Variants in ZC3H12B observed in about 807,000 individuals in gnomAD.
ZC3H12B encodes the protein zinc finger CCCH-type containing 12B.
Under a neutral mutation model 43.9 loss-of-function variants are expected in ZC3H12B, and 7 were observed. That is an observed-to-expected ratio of 0.16 (90% CI 0.09 to 0.30). ZC3H12B has a LOEUF of 0.30. Among genes scored for constraint, ZC3H12B ranks in the 10% least tolerant of loss-of-function variants. The pLI is 1.00. For synonymous variants in ZC3H12B, 222 were observed against 241.7 expected (o/e 0.92, Z 0.76); for missense variants, 475 against 670.2 (o/e 0.71, Z 3.22).
At chrX:65,312,530 G>A in the ZC3H12B span, among the ~76,000 whole-genome samples, 4 of 111,323 alleles carry the variant, frequency 3.6e-5, no homozygotes, top group Non-Finnish European at 5.7e-5. Context: ...AAAAAAAATG[G>A]GCCCCTCTTG....
the ZC3H12B span, chrX:65,357,148 G>C: frequency 2.1e-6 from 1 of 468,996 alleles, no homozygotes; most frequent in East Asian, 4.1e-5. Context: ...GCTCTGTCCT[G>C]AGGAGGCCAT....
At chrX:65,347,959 C>T in the ZC3H12B span, among the ~76,000 whole-genome samples, 13 of 111,600 alleles carry the variant, frequency 1.2e-4, no homozygotes, top group African/African-American at 4.2e-4. Flanking sequence ...AAGCTGGAAA[C>T]CAACATTCTC....
chrX:65,217,812 G>A, the ZC3H12B span, among the ~76,000 whole-genome samples: 1 of 111,548 alleles, frequency 9.0e-6, no homozygotes, highest in Non-Finnish European at 1.9e-5. Context: ...TCTAGAAAAA[G>A]CCCAAATGGG....
At chrX:65,397,752 T>C (rs187167043) in intron 2 of ZC3H12B, among the ~76,000 whole-genome samples, 91 of 112,076 alleles carry the variant, frequency 8.1e-4, no homozygotes, top group Middle Eastern at 4.6e-3. Flanking sequence ...ACCACTGTTA[T>C]TCAGCATAGT....
the ZC3H12B span, among the ~76,000 whole-genome samples, chrX:65,076,701 AT>A: frequency 9.6e-6 from 1 of 103,882 alleles, no homozygotes; most frequent in Non-Finnish European, 2.0e-5. Context: ...TGAGTTTTAA[AT>A]TTTATTTTGG....
chrX:65,287,449 A>G, the ZC3H12B span, among the ~76,000 whole-genome samples: 1 of 111,205 alleles, frequency 9.0e-6, no homozygotes, highest in Non-Finnish European at 1.9e-5. Context: ...AAAGAAATGA[A>G]GATAGAAATT....
the ZC3H12B span, among the ~76,000 whole-genome samples, chrX:65,120,194 G>A: frequency 8.9e-6 from 1 of 111,966 alleles, no homozygotes; most frequent in African/African-American, 3.2e-5. Context: ...AAAGTCATTG[G>A]TAGCTTAATG....
chrX:65,196,044 T>C, the ZC3H12B span, among the ~76,000 whole-genome samples: 4 of 111,704 alleles, frequency 3.6e-5, no homozygotes, highest in African/African-American at 9.8e-5. Context: ...TCAGCTAGAC[T>C]GGCAGAGCAG....
chrX:65,251,417 G>A, the ZC3H12B span, among the ~76,000 whole-genome samples: 2 of 111,591 alleles, frequency 1.8e-5, no homozygotes, highest in African/African-American at 6.5e-5. Flanking sequence ...ACTTGGCAAT[G>A]CGGGCTCTTT....
the ZC3H12B span, among the ~76,000 whole-genome samples, chrX:65,105,832 A>T: frequency 9.0e-6 from 1 of 111,102 alleles, no homozygotes; most frequent in Admixed American, 9.6e-5. Flanking sequence ...ATGGCACTGT[A>T]TGCCTAAAGG....
chrX:65,183,500 C>T, the ZC3H12B span, among the ~76,000 whole-genome samples: 7 of 111,069 alleles, frequency 6.3e-5, no homozygotes, highest in Non-Finnish European at 1.3e-4. Context: ...CCCAGTTGCA[C>T]GCAATTTACC....
At chrX:65,230,200 T>G in the ZC3H12B span, among the ~76,000 whole-genome samples, 1 of 111,566 alleles carries the variant, frequency 9.0e-6, no homozygotes, top group Non-Finnish European at 1.9e-5. Context: ...GAATACTATG[T>G]AGCCATAAAA....
At chrX:65,167,299 A>G in the ZC3H12B span, among the ~76,000 whole-genome samples, 8 of 112,094 alleles carry the variant, frequency 7.1e-5, no homozygotes, top group African/African-American at 1.9e-4. Context: ...TTAAATAGGG[A>G]ATCCTTTCCC....
chrX:65,438,348 T>C, intron 3 of ZC3H12B, among the ~76,000 whole-genome samples: 1 of 112,420 alleles, frequency 8.9e-6, no homozygotes, highest in East Asian at 2.8e-4. Context: ...TTCCAATCCA[T>C]GATATGGAAT....
chrX:65,436,911 A>G (rs1602436207), intron 3 of ZC3H12B, among the ~76,000 whole-genome samples: 1 of 110,908 alleles, frequency 9.0e-6, no homozygotes, highest in East Asian at 2.8e-4. Context: ...ATCCTGTTGT[A>G]CTATCAAATA....
At chrX:65,142,437 T>C in the ZC3H12B span, among the ~76,000 whole-genome samples, 1 of 112,401 alleles carries the variant, frequency 8.9e-6, no homozygotes, top group Non-Finnish European at 1.9e-5. Context: ...TTAAAGAATT[T>C]TTCCCACTCT....
intron 3 of ZC3H12B, among the ~76,000 whole-genome samples, chrX:65,453,784 A>T (rs1369705098): frequency 9.0e-6 from 1 of 111,367 alleles, no homozygotes; most frequent in Admixed American, 9.6e-5. Flanking sequence ...ATGGAATTAG[A>T]AACCATTATT....
At chrX:65,156,465 C>T in the ZC3H12B span, among the ~76,000 whole-genome samples, 9 of 111,743 alleles carry the variant, frequency 8.1e-5, no homozygotes, top group African/African-American at 2.9e-4. Flanking sequence ...ACTGCAACCT[C>T]CACCTCTGGG....
intron 3 of ZC3H12B, among the ~76,000 whole-genome samples, chrX:65,426,409 A>C (rs1024763339): frequency 1.9e-5 from 2 of 105,952 alleles, no homozygotes; most frequent in African/African-American, 3.4e-5. Context: ...AAAAAAAAAA[A>C]AAAAAAACAC....
Sources: gnomAD v4.1 joint callset for allele counts (sites outside exome capture counted in the v4.1 genomes callset) on GRCh38, gnomAD v4.1.1 for gene constraint, MANE v1.5 for transcripts, NCBI Gene and HGNC (gene_info 2026-07-23, HGNC 2026-07-21) for gene names.